The following COA1 variants were observed in gnomAD, a reference collection of about 807,000 sequenced individuals.
COA1 encodes cytochrome c oxidase assembly factor 1 homolog.
COA1 carries 13 observed loss-of-function variants against 16.0 expected under a neutral mutation model. The ratio of observed to expected loss-of-function variants is 0.81; its 90% CI spans 0.53 to 1.29. COA1 has a LOEUF of 1.29. COA1 is among the 50% of genes most tolerant of loss of function. The pLI is 0.00. For synonymous variants in COA1, 65 were observed against 65.7 expected, an observed-to-expected ratio of 0.99 and a Z score of 0.05; for missense variants, 179 against 177.0, an observed-to-expected ratio of 1.01 and a Z score of -0.06.
At chr7:43,691,274 AAAGAAAG>A (rs2094290307) in intron 1 of COA1, among the ~76,000 whole-genome samples, 1 of 19,696 alleles carries the variant, frequency 5.1e-5, no homozygotes, top group African/African-American at 2.5e-4. Context: ...GAAAAGAAAG[AAAGAAAG>A]AAAGAAAGAA....
intron 4 of COA1, among the ~76,000 whole-genome samples, chr7:43,644,819 G>GAGAGAGAGAGAGAGAGAC (rs1563230597): frequency 6.8e-6 from 1 of 147,336 alleles, no homozygotes. Flanking sequence ...GAGAGAGAGA[G>GAGAGAGAGAGAGAGAGAC]AGAGAGAGAG....
At chr7:43,649,166 A>G (rs2090225469) in intron 1 of COA1, 1 of 152,342 alleles carries the variant, frequency 6.6e-6, no homozygotes, top group Non-Finnish European at 1.5e-5. Flanking sequence ...CACTTTATAT[A>G]ATTCATTTAA....
chr7:43,619,556 C>G, intron 6 of COA1: 1 of 1,599,102 alleles, frequency 6.3e-7, no homozygotes, highest in African/African-American at 1.3e-5. Flanking sequence ...TGTACTTAAT[C>G]ATAGTTATAT....
At chr7:43,711,944 C>A (rs2095262321) in intron 1 of COA1, among the ~76,000 whole-genome samples, 1 of 152,078 alleles carries the variant, frequency 6.6e-6, no homozygotes, top group Admixed American at 6.5e-5. Flanking sequence ...AAACTAATAA[C>A]AATAAACTCC....
intron 5 of COA1, 31 bp downstream of exon 5, chr7:43,640,542 C>T (rs1336004117): frequency 2.0e-6 from 3 of 1,520,424 alleles, no homozygotes; most frequent in Non-Finnish European, 2.7e-6. Context: ...CTTCCTCCCG[C>T]TCCCCCACTG....
intron 1 of COA1, among the ~76,000 whole-genome samples, chr7:43,683,925 A>G (rs1011844234): frequency 5.3e-5 from 8 of 152,206 alleles, no homozygotes; most frequent in Non-Finnish European, 1.0e-4. Flanking sequence ...AGCAAACACA[A>G]AGGTAAGGAA....
intron 1 of COA1, chr7:43,648,866 G>A (rs988173494): frequency 1.6e-5 from 8 of 502,898 alleles, no homozygotes; most frequent in Non-Finnish European, 2.8e-5. Context: ...CGGGTTTCCT[G>A]TCTGTGTCCT....
intron 1 of COA1, among the ~76,000 whole-genome samples, chr7:43,706,971 G>A (rs2095009500): frequency 6.6e-6 from 1 of 152,146 alleles, no homozygotes; most frequent in South Asian, 2.1e-4. Context: ...AGGAGTTCAA[G>A]ACCAGCCTGG....
At chr7:43,701,450 C>CT (rs1252538791) in intron 1 of COA1, among the ~76,000 whole-genome samples, 2 of 152,320 alleles carry the variant, frequency 1.3e-5, no homozygotes, top group Non-Finnish European at 2.9e-5. Flanking sequence ...TGATTCTGCT[C>CT]TTTTTTATGG....
chr7:43,609,521 A>C (rs2082674804), intron 6 of COA1: 1 of 152,260 alleles, frequency 6.6e-6, no homozygotes, highest in Non-Finnish European at 1.5e-5. Context: ...ATGGGTGCTC[A>C]GGAGACAATA....
chr7:43,646,798 A>G, intron 3 of COA1: 1 of 305,218 alleles, frequency 3.3e-6, no homozygotes, highest in Admixed American at 3.9e-5. Flanking sequence ...AGGACACTGG[A>G]GCCTGTCTGC....
At chr7:43,625,120 A>C (rs2084365078) in intron 6 of COA1, 1 of 280,910 alleles carries the variant, frequency 3.6e-6, no homozygotes, top group Non-Finnish European at 6.7e-6. Context: ...CAGAATGAGA[A>C]TTTGTGTACA....
chr7:43,715,510 T>G (rs187461905), intron 1 of COA1, among the ~76,000 whole-genome samples: 2 of 152,084 alleles, frequency 1.3e-5, no homozygotes, highest in East Asian at 3.9e-4. Context: ...TTGCTTCATA[T>G]AAGCTTGTTT....
At chr7:43,725,878 A>G (rs1222225924) in intron 1 of COA1, among the ~76,000 whole-genome samples, 2 of 150,044 alleles carry the variant, frequency 1.3e-5, no homozygotes, top group Non-Finnish European at 3.0e-5. Context: ...TATATATTAT[A>G]TATATACTAT....
chr7:43,717,516 A>G (rs2132003243), intron 1 of COA1, among the ~76,000 whole-genome samples: 1 of 152,232 alleles, frequency 6.6e-6, no homozygotes, highest in Admixed American at 6.5e-5. Flanking sequence ...CTATCTAGGG[A>G]GTAATTAGGT....
chr7:43,636,812 G>T (rs1303141161), downstream of COA1, among the ~76,000 whole-genome samples: 1 of 152,182 alleles, frequency 6.6e-6, no homozygotes, highest in African/African-American at 2.4e-5. Flanking sequence ...AGTCATACAG[G>T]TCTTGTCAGT....
intron 1 of COA1, among the ~76,000 whole-genome samples, chr7:43,720,643 T>A (rs993937930): frequency 2.6e-5 from 4 of 152,090 alleles, no homozygotes; most frequent in Non-Finnish European, 4.4e-5. Flanking sequence ...AAAGATGAAG[T>A]GGCCATATTT....
intron 1 of COA1, chr7:43,658,792 G>A (rs2092103760): frequency 6.6e-6 from 1 of 152,348 alleles, no homozygotes. Context: ...TGAGACTGGA[G>A]GGATCATTTG....
At chr7:43,648,040 A>C in intron 2 of COA1, 1 of 203,170 alleles carries the variant, frequency 4.9e-6, no homozygotes, top group Non-Finnish European at 1.0e-5. Flanking sequence ...TGGTCCTGTA[A>C]GCCTGCGAAT....
Sources: gnomAD v4.1 joint callset for allele counts (sites outside exome capture counted in the v4.1 genomes callset) on GRCh38, gnomAD v4.1.1 for gene constraint, MANE v1.5 for transcripts, NCBI Gene and HGNC (gene_info 2026-07-23, HGNC 2026-07-21) for gene names.